The following PAPPA variants were observed in gnomAD, a reference collection of about 807,000 sequenced individuals.
PAPPA encodes the protein pappalysin-1.
A neutral mutation model predicts 164.0 loss-of-function variants in PAPPA; 60 were observed. The observed-to-expected ratio is 0.37, with a 90% CI of 0.30 to 0.45. The LOEUF is 0.45. PAPPA is among the 20% of genes least tolerant of loss of function. PAPPA has a pLI of 1.00. For synonymous variants in PAPPA, 875 were observed against 814.1 expected, an observed-to-expected ratio of 1.07 and a Z score of -1.27; for missense variants, 1,782 against 2,087.3, an observed-to-expected ratio of 0.85 and a Z score of 2.85.
chr9:116,348,235 A>G (rs1039256995), intron 15 of PAPPA, among the ~76,000 whole-genome samples: 4 of 151,558 alleles, frequency 2.6e-5, no homozygotes, highest in Non-Finnish European at 5.9e-5. Context: ...GGTTGTCAGC[A>G]TCATCTAGTG....
Position 116,347,163 on chromosome 9 carries a change from T to G in PAPPA, c.3918T>G (p.Phe1306Leu). 3.7e-6 allele frequency: 6 copies of G among 1,614,052 alleles called. No homozygotes were observed. Among genetic ancestry groups the G allele is most frequent in the Non-Finnish European group, 5.1e-6 (6 of 1,179,946 alleles). Residue 1306 changes from phenylalanine to leucine, a missense_variant, in exon 15 of 22, where the codon TTT becomes TTG. By Grantham distance (22) the Phe-to-Leu change is conservative (BLOSUM62 0). This residue lies in a region of PAPPA where 1,324 missense variants were observed against 1,656.9 expected (regional missense o/e 0.80). Coordinates refer to ENST00000328252, the MANE Select transcript of PAPPA (RefSeq NM_002581.5). This position sits in a 1 kb window ranked among gnomAD's most constrained non-coding sequence, Gnocchi z 4.5. ...ASFSCPEGTT[F>L]GSQCSFQCRH... ...TCTCCTGCCCTGAGGGCACCACCTT[T>G]GGCAGTCAATGTTCCTTCCAGTGCC...
At chr9:116,155,182 T>C (rs2118964791) in intron 1 of PAPPA, among the ~76,000 whole-genome samples, 1 of 152,226 alleles carries the variant, frequency 6.6e-6, no homozygotes, top group Middle Eastern at 3.4e-3. Flanking sequence ...TTAAAGCCCA[T>C]TGCCTGTCAC....
In PAPPA at chr9:116,302,817, A is replaced by G; in HGVS notation, c.3014A>G (p.Lys1005Arg). Residue 1005 changes from lysine to arginine, a missense_variant, in exon 10 of 22, where the codon AAA becomes AGA. Lys to Arg is a conservative substitution (Grantham distance 26). This residue lies in a region of PAPPA where 1,324 missense variants were observed against 1,656.9 expected (regional missense o/e 0.80). Coordinates refer to ENST00000328252, the MANE Select transcript of PAPPA (RefSeq NM_002581.5). ...GDGVCEEFEQ[K>R]TSIKDCGVYT... ...GGGGTATGTGAGGAGTTTGAACAAA[A>G]AACCAGCATTAAGGACTGTGGTGTC... The G allele has an allele frequency of 6.2e-7, 1 of 1,614,048 alleles. No individual in the cohort carries two copies. The highest frequency in any genetic ancestry group is 8.5e-7 in the Non-Finnish European group (1 of 1,179,964).
At chr9:116,387,001 TTAGG>T (rs1846823235) in intron 21 of PAPPA, among the ~76,000 whole-genome samples, 1 of 152,060 alleles carries the variant, frequency 6.6e-6, no homozygotes, top group Admixed American at 6.5e-5. Context: ...CTGGACCTGT[TTAGG>T]TCCCACTTGT....
intron 7 of PAPPA, among the ~76,000 whole-genome samples, chr9:116,256,145 A>C (rs1844924897): frequency 6.6e-6 from 1 of 152,010 alleles, no homozygotes; most frequent in South Asian, 2.1e-4. Flanking sequence ...TGAATCTGAA[A>C]ATTAAAAACA....
Position 116,154,278 on chromosome 9 carries a change from C to G in PAPPA, c.106C>G (p.Arg36Gly). The G allele has an allele frequency of 3.9e-6, 4 of 1,026,830 alleles. No homozygotes were observed. Among genetic ancestry groups the G allele is most frequent in the Non-Finnish European group, 4.7e-6 (4 of 856,570 alleles). 63.6% of individuals were successfully genotyped at this position (1,026,830 alleles called of 1,614,324 possible). The change falls in exon 1 of 22, where the codon CGA becomes GGA. Residue 36 changes from arginine (R) to glycine (G), a missense_variant. By Grantham distance (125) the Arg-to-Gly change is moderately radical (BLOSUM62 -2). This residue lies in a region of PAPPA where 458 missense variants were observed against 430.3 expected (regional missense o/e 1.06). Transcript: ENST00000328252. The surrounding 1 kb of genome is among the most constrained non-coding windows in gnomAD (Gnocchi z 5.2). ...RRARRDPRAG[R>G]PPRPAAGPAT... ...GGCCCGGAGAGACCCGCGGGCCGGC[C>G]GACCCCCGCGCCCCGCCGCCGGCCC...
intron 10 of PAPPA, among the ~76,000 whole-genome samples, chr9:116,307,662 C>T (rs1270910206): frequency 2.0e-5 from 3 of 151,952 alleles, no homozygotes; most frequent in African/African-American, 7.3e-5. Context: ...ACAATTTATA[C>T]ATTAATTTAT....
rs567705187 is a variant in PAPPA, at chr9:116,180,072, T to G, written c.416-7082T>G. Reference sequence around the variant, plus strand: ...AACTGCCTTTTACCCTGCCCCACAATGACCTTACATCTCCCGCAGGGGGAA... The same window carrying G: ...AACTGCCTTTTACCCTGCCCCACAAGGACCTTACATCTCCCGCAGGGGGAA... On this transcript the variant is annotated intron_variant, in intron 1 of 21. Coordinates refer to ENST00000328252, the MANE Select transcript of PAPPA (RefSeq NM_002581.5). Among the ~76,000 whole-genome samples, 215 of 152,216 alleles carry G rather than the reference T, an allele frequency of 1.4e-3. 1 individual carries two copies. The highest frequency in any genetic ancestry group is 2.7e-3 in the Non-Finnish European group (183 of 67,996).
At chr9:116,188,569 A>C (rs1330782852) in intron 2 of PAPPA, among the ~76,000 whole-genome samples, 1 of 152,218 alleles carries the variant, frequency 6.6e-6, no homozygotes, top group Non-Finnish European at 1.5e-5. Context: ...GGTAGTTCCT[A>C]GCAACATGTG....
chr9:116,380,786 G>C (rs1198615646), intron 20 of PAPPA, among the ~76,000 whole-genome samples: 1 of 152,184 alleles, frequency 6.6e-6, no homozygotes, highest in Non-Finnish European at 1.5e-5. Flanking sequence ...GTAGAGTGAT[G>C]AAATGAAATC....
intron 18 of PAPPA, 57 bp from the exon 19 acceptor site, chr9:116,367,588 T>C: frequency 1.6e-6 from 2 of 1,288,360 alleles, no homozygotes; most frequent in Non-Finnish European, 2.2e-6. Context: ...AGGAGGGCAG[T>C]TTGCAGATGT....
In PAPPA at chr9:116,167,917, A is replaced by G. The variant is rs370560930; in HGVS notation, c.415+13330A>G. Among the ~76,000 whole-genome samples, 12 of 152,342 alleles carry G rather than the reference A, an allele frequency of 7.9e-5. No homozygotes were observed. The South Asian group carries it at 1.2e-3, about 16-fold the overall frequency. ...TTTACTGACTGAGAAACTGAGATCC[A>G]TGGATGTTTACCTGCTAAATTAAGC... On this transcript the variant is annotated intron_variant, in intron 1 of 21. Coordinates refer to ENST00000328252, the MANE Select transcript of PAPPA (RefSeq NM_002581.5).
At chr9:116,244,667 G>A (rs1224499374) in intron 7 of PAPPA, among the ~76,000 whole-genome samples, 1 of 152,134 alleles carries the variant, frequency 6.6e-6, no homozygotes, top group Non-Finnish European at 1.5e-5. Flanking sequence ...AAAAATAACA[G>A]ATGTTGGTAA....
At chr9:116,206,336 G>A (rs1844235333) in intron 2 of PAPPA, among the ~76,000 whole-genome samples, 1 of 152,144 alleles carries the variant, frequency 6.6e-6, no homozygotes, top group Non-Finnish European at 1.5e-5. Context: ...GGGCGGCCTT[G>A]ACACGCTAGA....
intron 10 of PAPPA, among the ~76,000 whole-genome samples, chr9:116,330,228 A>G (rs1229415806): frequency 6.6e-6 from 1 of 152,130 alleles, no homozygotes; most frequent in African/African-American, 2.4e-5. Context: ...AGAAGTACTA[A>G]TTTGGGATGA....
intron 1 of PAPPA, among the ~76,000 whole-genome samples, chr9:116,181,535 A>C (rs979534409): frequency 1.3e-4 from 20 of 152,342 alleles, no homozygotes; most frequent in South Asian, 2.1e-4. Flanking sequence ...TGTATCTCCA[A>C]ATACAGTTAA....
chr9:116,392,915 A>C (rs750762570), intron 21 of PAPPA, among the ~76,000 whole-genome samples: 2 of 152,222 alleles, frequency 1.3e-5, no homozygotes, highest in Non-Finnish European at 2.9e-5. Flanking sequence ...ACTTACAAGC[A>C]TGTAGTGGAG....
chr9:116,158,079 A>T (rs1843624584), intron 1 of PAPPA, among the ~76,000 whole-genome samples: 1 of 152,066 alleles, frequency 6.6e-6, no homozygotes, highest in East Asian at 1.9e-4. Context: ...TGCCTTAGTG[A>T]TTCGGAATTC....
intron 4 of PAPPA, among the ~76,000 whole-genome samples, chr9:116,218,481 G>C (rs1013192568): frequency 6.6e-6 from 1 of 152,146 alleles, no homozygotes; most frequent in African/African-American, 2.4e-5. Flanking sequence ...GGTGTTTTTG[G>C]AAATTAAGCC....
Sources: gnomAD v4.1 joint callset for allele counts (sites outside exome capture counted in the v4.1 genomes callset) on GRCh38, gnomAD v4.1.1 for gene constraint, gnomAD v4.1.1 regional missense constraint, Gnocchi (gnomAD v3.1) non-coding constraint, MANE v1.5 for transcripts, NCBI Gene and HGNC (gene_info 2026-07-23, HGNC 2026-07-21) for gene names.